Variants in PDS5B observed in about 807,000 individuals in gnomAD.
PDS5B encodes PDS5 cohesin associated factor B.
In PDS5B, 51 loss-of-function variants were observed where a neutral mutation model predicts 184.1. The observed-to-expected ratio is 0.28, with a 90% CI of 0.22 to 0.35. The LOEUF (loss-of-function observed/expected upper bound fraction) is 0.35. Among genes scored for constraint, PDS5B ranks in the 10% least tolerant of loss-of-function variants. PDS5B has a pLI of 1.00. For missense variants in PDS5B, 1,180 were observed against 1,723.3 expected (o/e 0.68, Z 5.58); for synonymous variants, 566 against 569.2 (o/e 0.99, Z 0.08).
chr13:32,725,589 C>A (rs1952870385), intron 19 of PDS5B, among the ~76,000 whole-genome samples: 1 of 152,098 alleles, frequency 6.6e-6, no homozygotes, highest in Admixed American at 6.5e-5. Flanking sequence ...AGTCATGACT[C>A]TATGATAATT....
chr13:32,685,180 G>A (rs1250934805), intron 11 of PDS5B, among the ~76,000 whole-genome samples: 1 of 152,174 alleles, frequency 6.6e-6, no homozygotes, highest in African/African-American at 2.4e-5. Flanking sequence ...GATAATGCTG[G>A]TTGTGCGTGG....
chr13:32,749,094 G>A (rs1237591676), intron 24 of PDS5B, among the ~76,000 whole-genome samples: 1 of 152,118 alleles, frequency 6.6e-6, no homozygotes, highest in Non-Finnish European at 1.5e-5. Flanking sequence ...TGGTGTTTGA[G>A]CCCCTCTAAT....
In PDS5B at chr13:32,775,795, T is replaced by C; in HGVS notation, c.*743T>C. The stretch of plus-strand genomic sequence containing the variant: ...TTTAAGAAGAAAGATTTAAAGTATT[T>C]TAATTTTAAAGAGTGTGTTATAAAA... On this transcript the variant is annotated 3_prime_UTR_variant, in exon 35 of 35. Coordinates refer to ENST00000315596, the MANE Select transcript of PDS5B (RefSeq NM_015032.4). 1 of 376,672 alleles carries C rather than the reference T, an allele frequency of 2.7e-6. No homozygotes were observed. Among genetic ancestry groups the C allele is most frequent in the Non-Finnish European group, 5.2e-6 (1 of 192,100 alleles). The allele number at this position is 376,672 out of a possible 1,614,324, so 23.3% of individuals were successfully genotyped here. A position where few individuals can be genotyped will look rare whatever the true frequency, so the allele number is the denominator to read the frequency against.
intron 1 of PDS5B, among the ~76,000 whole-genome samples, chr13:32,614,657 CT>C (rs1444726085): frequency 6.6e-6 from 1 of 152,158 alleles, no homozygotes; most frequent in African/African-American, 2.4e-5. Context: ...TAATTAATTT[CT>C]TATGATGTAT....
chr13:32,602,595 C>T (rs1199880283), intron 1 of PDS5B, among the ~76,000 whole-genome samples: 1 of 152,114 alleles, frequency 6.6e-6, no homozygotes, highest in Non-Finnish European at 1.5e-5. Context: ...GACTTATAAT[C>T]GTTTGGGTAT....
At chr13:32,655,370 A>ATTTTTTTTTTTTT (rs1228061305) in intron 3 of PDS5B, among the ~76,000 whole-genome samples, 2 of 26,924 alleles carry the variant, frequency 7.4e-5, no homozygotes, top group East Asian at 3.1e-3. Flanking sequence ...ATATATATAT[A>ATTTTTTTTTTTTT]TATATTTTTT....
chr13:32,680,667 T>G (rs764222841), intron 10 of PDS5B, among the ~76,000 whole-genome samples: 1 of 152,244 alleles, frequency 6.6e-6, no homozygotes, highest in Non-Finnish European at 1.5e-5. Flanking sequence ...CCTTGATGGA[T>G]TTCTCAAACA....
chr13:32,629,114 G>T (rs2058416794), intron 1 of PDS5B, among the ~76,000 whole-genome samples: 1 of 152,110 alleles, frequency 6.6e-6, no homozygotes, highest in South Asian at 2.1e-4. Context: ...GAAGTTGGGG[G>T]TATTGGAATA....
intron 19 of PDS5B, among the ~76,000 whole-genome samples, chr13:32,718,984 A>C (rs867290939): frequency 6.6e-6 from 1 of 152,238 alleles, no homozygotes; most frequent in African/African-American, 2.4e-5. Flanking sequence ...TAGACTGCTT[A>C]CTTTGATTTT....
intron 23 of PDS5B, 100 bp from the exon 24 acceptor site, chr13:32,745,877 A>T: frequency 4.2e-6 from 4 of 961,090 alleles, no homozygotes; most frequent in Non-Finnish European, 6.2e-6. Flanking sequence ...ATTTTTTTTT[A>T]AACTTTTTTG....
chr13:32,599,790 C>T (rs2057944239), intron 1 of PDS5B, among the ~76,000 whole-genome samples: 1 of 151,806 alleles, frequency 6.6e-6, no homozygotes, highest in Non-Finnish European at 1.5e-5. Context: ...TGGCGGGTGC[C>T]TGTAGTTCCA....
Position 32,775,095 on chromosome 13 carries a change from A to ATCT in PDS5B, c.*45_*47dup. The ATCT allele has an allele frequency of 1.8e-6, 1 of 547,628 alleles. No individual in the cohort carries two copies. Among genetic ancestry groups the ATCT allele is most frequent in the Non-Finnish European group, 2.6e-6 (1 of 388,742 alleles). 33.9% of individuals were successfully genotyped at this position (547,628 alleles called of 1,614,324 possible). Reference sequence around the variant, plus strand: ...CTTTCTCTGTGAAAGCTTTGGAAAAATCTTTTTTTTTTTTTTTGGTCAAGC... The same window carrying ATCT: ...CTTTCTCTGTGAAAGCTTTGGAAAAATCTTCTTTTTTTTTTTTTTTGGTCAAGC... On this transcript the variant is annotated 3_prime_UTR_variant, in exon 35 of 35. Transcript: ENST00000315596.
At chr13:32,662,422 A>C (rs980084908) in intron 6 of PDS5B, among the ~76,000 whole-genome samples, 3 of 152,138 alleles carry the variant, frequency 2.0e-5, no homozygotes, top group Non-Finnish European at 4.4e-5. Flanking sequence ...GATTTGAAAC[A>C]AAACTACTAA....
At chr13:32,607,235 T>G (rs2140498677) in intron 1 of PDS5B, among the ~76,000 whole-genome samples, 1 of 152,300 alleles carries the variant, frequency 6.6e-6, no homozygotes, top group African/African-American at 2.4e-5. Flanking sequence ...TACAGATGGG[T>G]TTTGGTGTGG....
In PDS5B at chr13:32,716,711, G is replaced by A. The variant is rs1157527056; in HGVS notation, c.2123+6605G>A. Among the ~76,000 whole-genome samples the A allele has an allele frequency of 1.5e-5, 2 of 130,584 alleles. 1 individual carries two copies. The highest frequency in any genetic ancestry group is 5.7e-5 in the African/African-American group (2 of 35,142). 85.7% of individuals were successfully genotyped at this position (130,584 alleles called of 152,430 possible). On this transcript the variant is annotated intron_variant, in intron 19 of 34. Coordinates refer to ENST00000315596, the MANE Select transcript of PDS5B (RefSeq NM_015032.4). Reference sequence around the variant, plus strand: ...CGGCCAGCTGCCCCGTTTGGGAGGTGAGGGGCGCTTTTGCCCAGCCGCCCC... The same window carrying A: ...CGGCCAGCTGCCCCGTTTGGGAGGTAAGGGGCGCTTTTGCCCAGCCGCCCC...
intron 24 of PDS5B, 49 bp downstream of exon 24, chr13:32,746,149 A>T: frequency 6.5e-7 from 1 of 1,537,410 alleles, no homozygotes; most frequent in Non-Finnish European, 8.9e-7. Context: ...TTTGACTTTT[A>T]GGAAGGAAAA....
chr13:32,693,792 C>G (rs1267120673), intron 13 of PDS5B, among the ~76,000 whole-genome samples: 1 of 151,362 alleles, frequency 6.6e-6, no homozygotes, highest in Non-Finnish European at 1.5e-5. Flanking sequence ...AAGAGAACAT[C>G]AGAGTTTTTG....
intron 31 of PDS5B, among the ~76,000 whole-genome samples, chr13:32,767,797 A>G (rs1368674522): frequency 1.3e-5 from 2 of 152,182 alleles, no homozygotes; most frequent in Non-Finnish European, 2.9e-5. Context: ...TCAACTGAAT[A>G]TATAATTGCA....
At chr13:32,759,573 AC>A (rs1954303458) in intron 28 of PDS5B, 54 bp from the exon 29 acceptor site, 1 of 785,568 alleles carries the variant, frequency 1.3e-6, no homozygotes, top group African/African-American at 1.8e-5. Context: ...CTTTTGAACC[AC>A]CTGTAGATAG....
Sources: gnomAD v4.1 joint callset for allele counts (sites outside exome capture counted in the v4.1 genomes callset) on GRCh38, gnomAD v4.1.1 for gene constraint, MANE v1.5 for transcripts, NCBI Gene and HGNC (gene_info 2026-07-23, HGNC 2026-07-21) for gene names.